SLC20A2: variants seen among roughly 807,000 people sequenced by gnomAD.
The protein encoded by SLC20A2 is solute carrier family 20 member 2.
SLC20A2 carries 30 observed loss-of-function variants against 61.0 expected under a neutral mutation model. The observed-to-expected ratio is 0.49, with a 90% confidence interval of 0.37 to 0.67. SLC20A2 has a LOEUF of 0.67. Among genes scored for constraint, SLC20A2 ranks in the 30% least tolerant of loss-of-function variants. The pLI is 0.00. For missense variants in SLC20A2, 626 were observed against 866.4 expected, an observed-to-expected ratio of 0.72 and a Z score of 3.48; for synonymous variants, 351 against 353.3, an observed-to-expected ratio of 0.99 and a Z score of 0.07.
intron 1 of SLC20A2, among the ~76,000 whole-genome samples, chr8:42,500,565 C>T (rs963753842): frequency 1.3e-5 from 2 of 152,132 alleles, no homozygotes; most frequent in Non-Finnish European, 2.9e-5. Flanking sequence ...GGATAAAAAA[C>T]TGTCCATCTA....
At chr8:42,529,608 C>CA (rs1375751927) in intron 1 of SLC20A2, among the ~76,000 whole-genome samples, 2 of 152,162 alleles carry the variant, frequency 1.3e-5, no homozygotes, top group Non-Finnish European at 2.9e-5. Flanking sequence ...CCATGAAAGA[C>CA]AAAACCAGTA....
intron 4 of SLC20A2, among the ~76,000 whole-genome samples, chr8:42,461,648 C>T (rs904162673): frequency 3.3e-5 from 5 of 151,930 alleles, no homozygotes; most frequent in South Asian, 2.1e-4. Flanking sequence ...GATGGGGTTT[C>T]GCTATGTTTG....
chr8:42,498,177 T>C (rs1810066567), intron 1 of SLC20A2, among the ~76,000 whole-genome samples: 1 of 152,158 alleles, frequency 6.6e-6, no homozygotes, highest in Non-Finnish European at 1.5e-5. Context: ...CTCCACATAA[T>C]AATAATAGTT....
chr8:42,443,145 T>C (rs1304117772), intron 6 of SLC20A2, among the ~76,000 whole-genome samples: 2 of 148,844 alleles, frequency 1.3e-5, no homozygotes, highest in Admixed American at 1.3e-4. Flanking sequence ...ACAATTATTA[T>C]AGTACTATAC....
At position 42,439,573 on chromosome 8, in the gene SLC20A2, A is replaced by G. The variant is rs771260540; in HGVS notation, c.811T>C (p.Phe271Leu). 1 of 1,614,168 alleles carries G rather than the reference A, an allele frequency of 6.2e-7. No individual in the cohort carries two copies. Among genetic ancestry groups the G allele is most frequent in the Admixed American group, 1.7e-5 (1 of 60,014 alleles). ...SKVQEAESPV[F>L]KELPGAKAND... ...GCCTTGGCACCTGGTAGCTCTTTAAATACTGGGGACTCTGCTTCCTGAACC... is the reference window on the plus strand; with the variant it reads ...GCCTTGGCACCTGGTAGCTCTTTAAGTACTGGGGACTCTGCTTCCTGAACC... Residue 271 changes from phenylalanine to leucine, a missense_variant, in exon 7 of 11, where the codon TTT becomes CTT. Physicochemically the swap from Phe to Leu is conservative, Grantham distance 22. Around this residue, in one of 3 missense-constraint regions of SLC20A2, gnomAD observed 361 missense variants for 422.3 expected, o/e 0.85. Transcript: ENST00000520262.
intron 5 of SLC20A2, among the ~76,000 whole-genome samples, chr8:42,453,259 T>C (rs1805884775): frequency 6.6e-6 from 1 of 152,230 alleles, no homozygotes; most frequent in Non-Finnish European, 1.5e-5. Flanking sequence ...AGCTTAGGCT[T>C]GTATCCAACC....
At chr8:42,458,650 G>A (rs929003465) in intron 5 of SLC20A2, among the ~76,000 whole-genome samples, 3 of 150,516 alleles carry the variant, frequency 2.0e-5, no homozygotes, top group African/African-American at 7.3e-5. Flanking sequence ...GCTCATGCCT[G>A]TAATCCCAGC....
rs1554577942 is a variant in SLC20A2, at chr8:42,533,958, T to TCTCC, written c.-265+7859_-265+7862dup. 5.9e-3 allele frequency among the ~76,000 whole-genome samples: 433 copies of TCTCC among 73,304 alleles called. 1 individual carries two copies. Among genetic ancestry groups the TCTCC allele is most frequent in the African/African-American group, 0.035 (392 of 11,160 alleles). The allele number at this position is 73,304 out of a possible 152,430, so 48.1% of individuals were successfully genotyped here. ...GCCCTGTTCGTTACTTACAAAAACT[T>TCTCC]CTCCCTCTCTTTGTGCTTACTAGCA... On this transcript the variant is annotated intron_variant, in intron 1 of 10. Coordinates refer to the SLC20A2 transcript ENST00000342228.
chr8:42,527,985 T>C (rs1812083359), intron 1 of SLC20A2, among the ~76,000 whole-genome samples: 1 of 152,232 alleles, frequency 6.6e-6, no homozygotes, highest in Non-Finnish European at 1.5e-5. Context: ...GTAGAACTAC[T>C]AGTCATTTTC....
At chr8:42,470,119 T>TTA (rs1586134194) in intron 2 of SLC20A2, among the ~76,000 whole-genome samples, 1 of 152,136 alleles carries the variant, frequency 6.6e-6, no homozygotes, top group Admixed American at 6.6e-5. Context: ...GAAATTTCCA[T>TTA]TATATCTGAC....
intron 5 of SLC20A2, among the ~76,000 whole-genome samples, chr8:42,449,113 C>G (rs1186567827): frequency 6.6e-6 from 1 of 152,164 alleles, no homozygotes; most frequent in East Asian, 1.9e-4. Flanking sequence ...ATTAAATTGT[C>G]TTTCTGGTAC....
intron 8 of SLC20A2, among the ~76,000 whole-genome samples, chr8:42,433,653 C>G (rs1586011890): frequency 6.6e-6 from 1 of 152,188 alleles, no homozygotes; most frequent in Non-Finnish European, 1.5e-5. Context: ...AGCCTAATGT[C>G]CTCCAGGTTC....
chr8:42,452,202 TG>T (rs1805774761), intron 5 of SLC20A2, among the ~76,000 whole-genome samples: 1 of 65,352 alleles, frequency 1.5e-5, no homozygotes. Context: ...GAGGAAGAGA[TG>T]GAGGAGGAGG....
rs375928733 is a variant in SLC20A2, at chr8:42,428,767, C to T, written c.1785G>A (p.Thr595=). ...GCTAGCAGGGGCCTACCTTACAGTG[C>T]GTGGTGCTGACTGGAAGCCCGATGT... ...ASNIGLPVST[T]HCKVGSVVAV... The change falls in exon 10 of 11, where the codon ACG becomes ACA. Residue 595 remains threonine, a synonymous_variant. Coordinates refer to ENST00000520262, the MANE Select transcript of SLC20A2 (RefSeq NM_001257180.2). The T allele has an allele frequency of 5.6e-6, 9 of 1,611,402 alleles. No individual in the cohort carries two copies. The highest frequency in any genetic ancestry group is 6.8e-6 in the Non-Finnish European group (8 of 1,179,016).
chr8:42,443,307 AT>A lies in SLC20A2; in HGVS notation c.730+1338del, dbSNP rs1586045325. 2.4e-5 allele frequency among the ~76,000 whole-genome samples: 3 copies of A among 124,274 alleles called. No individual in the cohort carries two copies. The East Asian group carries it at 6.8e-4, about 28-fold the overall frequency. 81.5% of individuals were successfully genotyped at this position (124,274 alleles called of 152,430 possible). On this transcript the variant is annotated intron_variant, in intron 6 of 10. Transcript: ENST00000520262. The stretch of plus-strand genomic sequence containing the variant: ...TATATATATATATATATATATATAT[AT>A]AATAAAATGTATACTTTTTTTTTTG...
intron 10 of SLC20A2, among the ~76,000 whole-genome samples, chr8:42,425,697 C>T (rs1803358573): frequency 6.6e-6 from 1 of 152,138 alleles, no homozygotes; most frequent in African/African-American, 2.4e-5. Flanking sequence ...TTCAGGGAGA[C>T]CTGCTTTAAG....
chr8:42,468,696 T>C (rs1367367465), intron 2 of SLC20A2, among the ~76,000 whole-genome samples: 3 of 138,420 alleles, frequency 2.2e-5, no homozygotes, highest in Admixed American at 1.6e-4. Flanking sequence ...CCCGTGCAGA[T>C]GAAAGAAACG....
chr8:42,460,746 A>G (rs1331113594), intron 4 of SLC20A2, among the ~76,000 whole-genome samples: 1 of 152,204 alleles, frequency 6.6e-6, no homozygotes, highest in African/African-American at 2.4e-5. Flanking sequence ...AATATGAGGC[A>G]TTTAGAGTTT....
intron 10 of SLC20A2, among the ~76,000 whole-genome samples, chr8:42,421,613 T>A (rs6474393): frequency 0.19 from 28,741 of 151,994 alleles, 5,814 homozygotes; most frequent in African/African-American, 0.51. Context: ...GAGACCAGCC[T>A]GACCAACATG....
Sources: gnomAD v4.1 joint callset for allele counts (sites outside exome capture counted in the v4.1 genomes callset) on GRCh38, gnomAD v4.1.1 for gene constraint, gnomAD v4.1.1 regional missense constraint, MANE v1.5 for transcripts, NCBI Gene and HGNC (gene_info 2026-07-23, HGNC 2026-07-21) for gene names.